The following PDE6C variants were observed in gnomAD, a reference collection of about 807,000 sequenced individuals.
PDE6C encodes cone cGMP-specific 3',5'-cyclic phosphodiesterase subunit alpha'.
In PDE6C, 75 loss-of-function variants were observed where a neutral mutation model predicts 113.1. That is an observed-to-expected ratio of 0.66 (90% CI 0.55 to 0.80). The LOEUF is 0.80. PDE6C is among the 30% of genes least tolerant of loss of function. The pLI, the probability that PDE6C is intolerant of heterozygous loss-of-function variation, is 0.00. For synonymous variants in PDE6C, 375 were observed against 363.7 expected (o/e 1.03, Z -0.35); for missense variants, 912 against 1,038.6 (o/e 0.88, Z 1.67).
At chr10:93,620,505 C>T in intron 1 of PDE6C, 127 bp from the exon 2 acceptor site, 1 of 912,376 alleles carries the variant, frequency 1.1e-6, no homozygotes, top group East Asian at 2.4e-5. Context: ...TACTGGGGAC[C>T]ACTGTACTGG....
At chr10:93,663,516 GAA>G (rs1197385456) in intron 21 of PDE6C, among the ~76,000 whole-genome samples, 4 of 152,236 alleles carry the variant, frequency 2.6e-5, no homozygotes, top group African/African-American at 9.6e-5. Context: ...AGTTAGGTGA[GAA>G]AAAAGTTTTT....
chr10:93,639,600 C>T (rs561110577), intron 11 of PDE6C, among the ~76,000 whole-genome samples: 1 of 152,284 alleles, frequency 6.6e-6, no homozygotes, highest in South Asian at 2.1e-4. Context: ...AGCAGATGAT[C>T]CCCACCCTCG....
At position 93,665,438 on chromosome 10, in the gene PDE6C, A is replaced by ACTT. The variant is rs1466299185; in HGVS notation, c.*22_*24dup. ...TTGTAATATTATCTAACTGGTCTAA[A>ACTT]CTTCAAATATCATTTTACCTTTGAA... On this transcript the variant is annotated 3_prime_UTR_variant, in exon 22 of 22. Transcript: ENST00000371447. 2.7e-6 allele frequency: 4 copies of ACTT among 1,456,840 alleles called. No individual in the cohort carries two copies. Among genetic ancestry groups the ACTT allele is most frequent in the Non-Finnish European group, 3.9e-6 (4 of 1,036,698 alleles). 90.2% of individuals were successfully genotyped at this position (1,456,840 alleles called of 1,614,324 possible).
chr10:93,653,286 A>G (rs2058617602), intron 15 of PDE6C, among the ~76,000 whole-genome samples: 1 of 152,142 alleles, frequency 6.6e-6, no homozygotes, highest in Non-Finnish European at 1.5e-5. Context: ...CTGTATCCAG[A>G]TTTGATTCAG....
intron 14 of PDE6C, among the ~76,000 whole-genome samples, chr10:93,644,643 G>A (rs514120): frequency 0.21 from 32,452 of 151,064 alleles, 3,662 homozygotes; most frequent in Admixed American, 0.27. Flanking sequence ...TGAACAGTAG[G>A]TCTTATTTCT....
chr10:93,634,657 T>C, intron 8 of PDE6C, 101 bp from the exon 9 acceptor site: 1 of 1,266,954 alleles, frequency 7.9e-7, no homozygotes, highest in Non-Finnish European at 1.1e-6. Flanking sequence ...GAAGGGTACC[T>C]GAAATCTCTC....
At chr10:93,634,352 TG>T (rs2058517555) in intron 8 of PDE6C, among the ~76,000 whole-genome samples, 1 of 152,130 alleles carries the variant, frequency 6.6e-6, no homozygotes, top group South Asian at 2.1e-4. Flanking sequence ...GACAGGTGGT[TG>T]GGTGGTAGCT....
chr10:93,662,428 A>G (rs957349002), intron 19 of PDE6C, 132 bp from the exon 20 acceptor site: 1 of 568,150 alleles, frequency 1.8e-6, no homozygotes, highest in Admixed American at 3.1e-5. Context: ...GTGGCACTGC[A>G]CCCAGACTGG....
intron 8 of PDE6C, among the ~76,000 whole-genome samples, chr10:93,633,714 T>A (rs2058514272): frequency 6.6e-6 from 1 of 152,078 alleles, no homozygotes; most frequent in Non-Finnish European, 1.5e-5. Context: ...AAAGACTATC[T>A]TCATGGATCA....
intron 4 of PDE6C, 105 bp downstream of exon 4, chr10:93,622,177 T>C: frequency 8.8e-7 from 1 of 1,141,196 alleles, no homozygotes; most frequent in Non-Finnish European, 1.3e-6. Flanking sequence ...AAATAATTAG[T>C]CATGATTGAT....
At chr10:93,637,616 A>G (rs2058540130) in intron 11 of PDE6C, among the ~76,000 whole-genome samples, 1 of 152,244 alleles carries the variant, frequency 6.6e-6, no homozygotes, top group Non-Finnish European at 1.5e-5. Context: ...GTAATTTCAG[A>G]GATTTTTTTC....
chr10:93,613,265 G>A, intron 1 of PDE6C, 60 bp downstream of exon 1: 3 of 1,605,418 alleles, frequency 1.9e-6, no homozygotes, highest in Non-Finnish European at 2.6e-6. Context: ...GAACAAATGG[G>A]AAAGAGAGAT....
At chr10:93,651,452 G>C (rs2058609292) in intron 15 of PDE6C, among the ~76,000 whole-genome samples, 1 of 152,216 alleles carries the variant, frequency 6.6e-6, no homozygotes, top group Non-Finnish European at 1.5e-5. Flanking sequence ...TGGCAGGCAA[G>C]AGTGTGTGAG....
At chr10:93,626,563 A>G (rs1382060980) in intron 5 of PDE6C, 77 bp from the exon 6 acceptor site, 20 of 818,878 alleles carry the variant, frequency 2.4e-5, no homozygotes. Flanking sequence ...TAAGAGTTTT[A>G]AAGTACAAGT....
intron 16 of PDE6C, 131 bp downstream of exon 16, chr10:93,655,991 CAT>C (rs1452231452): frequency 4.2e-6 from 3 of 707,428 alleles, no homozygotes; most frequent in Non-Finnish European, 7.9e-6. Context: ...CACACACACA[CAT>C]ACACACAAAA....
intron 16 of PDE6C, among the ~76,000 whole-genome samples, chr10:93,657,135 G>C (rs962862245): frequency 2.6e-5 from 4 of 151,558 alleles, no homozygotes; most frequent in Admixed American, 2.0e-4. Context: ...GTTTTTATAT[G>C]GTATTGTTGT....
At chr10:93,654,750 TTTTCTTTC>T (rs1218959114) in intron 15 of PDE6C, among the ~76,000 whole-genome samples, 3,278 of 120,616 alleles carry the variant, frequency 0.027, 86 homozygotes, top group South Asian at 0.057. Context: ...TATATACTCA[TTTTCTTTC>T]TTTCTTTCTT....
Position 93,663,128 on chromosome 10 carries a change from TGAA to T in PDE6C, c.2470_2472del (p.Lys824del), listed in dbSNP as rs751556368. 5.0e-6 allele frequency: 8 copies of T among 1,613,626 alleles called. No homozygotes were observed. The highest frequency in any genetic ancestry group is 6.8e-6 in the Non-Finnish European group (8 of 1,179,806). Reference sequence around the variant, plus strand: ...CTAGCTGATGAGTATGATGCAAAGATGAAGGTCATTGAAGAGGAGGCAAAAAAG... The same window carrying T: ...CTAGCTGATGAGTATGATGCAAAGATGGTCATTGAAGAGGAGGCAAAAAAG... On this transcript the variant is annotated inframe_deletion, in exon 21 of 22. Transcript: ENST00000371447.
intron 1 of PDE6C, among the ~76,000 whole-genome samples, chr10:93,619,436 T>C (rs1454769525): frequency 6.6e-6 from 1 of 152,056 alleles, no homozygotes; most frequent in African/African-American, 2.4e-5. Context: ...TTTCTTTTTC[T>C]TTTTTTTGAG....
Sources: gnomAD v4.1 joint callset for allele counts (sites outside exome capture counted in the v4.1 genomes callset) on GRCh38, gnomAD v4.1.1 for gene constraint, MANE v1.5 for transcripts, NCBI Gene and HGNC (gene_info 2026-07-23, HGNC 2026-07-21) for gene names.